Variants in SAMD4A observed in about 807,000 individuals in gnomAD.
The protein encoded by SAMD4A is sterile alpha motif domain containing 4A.
SAMD4A carries 33 observed loss-of-function variants against 81.3 expected under a neutral mutation model. That is an observed-to-expected ratio of 0.41 (90% CI 0.31 to 0.54). The LOEUF (loss-of-function observed/expected upper bound fraction) is 0.54, where lower values mean the gene tolerates loss of function less well. Ranked by LOEUF, SAMD4A falls within the 20% of genes least tolerant of loss-of-function variation. The pLI, the probability that SAMD4A is intolerant of heterozygous loss-of-function variation, is 0.37. For synonymous variants in SAMD4A, 389 were observed against 382.1 expected (o/e 1.02, Z -0.21); for missense variants, 854 against 951.1 (o/e 0.90, Z 1.34).
In SAMD4A at chr14:54,602,041, T is replaced by C. The variant is rs140748274; in HGVS notation, c.196+33929T>C. On this transcript the variant is annotated intron_variant, in intron 2 of 12. Coordinates refer to ENST00000554335, the MANE Select transcript of SAMD4A (RefSeq NM_015589.6). ...AGAAAGCAGGACAGAAACAGCAGGG[T>C]CCTGGGATCCGCCTGGTACCAGAGA... Among the ~76,000 whole-genome samples, 204 of 151,962 alleles carry C rather than the reference T, an allele frequency of 1.3e-3. 2 individuals are homozygous for C. In the South Asian group the frequency reaches 0.02, roughly 15 times the overall value.
intron 2 of SAMD4A, among the ~76,000 whole-genome samples, chr14:54,622,915 G>A (rs2034652306): frequency 6.6e-6 from 1 of 152,222 alleles, no homozygotes; most frequent in Non-Finnish European, 1.5e-5. Flanking sequence ...ACATGTTAAA[G>A]TCTGAGAAGC....
chr14:54,595,290 CTATCT>C (rs934772420), intron 2 of SAMD4A, among the ~76,000 whole-genome samples: 3 of 152,016 alleles, frequency 2.0e-5, no homozygotes, highest in African/African-American at 7.2e-5. Context: ...TTTTATCTTA[CTATCT>C]TATAAGTATA....
intron 3 of SAMD4A, among the ~76,000 whole-genome samples, chr14:54,713,655 T>C (rs1473803090): frequency 6.6e-6 from 1 of 152,222 alleles, no homozygotes; most frequent in African/African-American, 2.4e-5. Flanking sequence ...CTGAGATGCA[T>C]CCTTTTGGAA....
At chr14:54,598,153 G>A (rs1011934453) in intron 2 of SAMD4A, among the ~76,000 whole-genome samples, 1 of 152,174 alleles carries the variant, frequency 6.6e-6, no homozygotes, top group South Asian at 2.1e-4. Context: ...TGAAAACTGA[G>A]ACACAAACAC....
chr14:54,605,832 T>C (rs977039989), intron 2 of SAMD4A, among the ~76,000 whole-genome samples: 1 of 152,046 alleles, frequency 6.6e-6, no homozygotes, highest in African/African-American at 2.4e-5. Context: ...CATGCCCATA[T>C]ATATGTATGA....
At chr14:54,718,686 A>G (rs1229585900) in intron 3 of SAMD4A, among the ~76,000 whole-genome samples, 1 of 152,128 alleles carries the variant, frequency 6.6e-6, no homozygotes, top group Non-Finnish European at 1.5e-5. Flanking sequence ...GAAACGAAGC[A>G]TGTCCTGGAG....
intron 2 of SAMD4A, among the ~76,000 whole-genome samples, chr14:54,572,623 A>G (rs1412543735): frequency 6.6e-6 from 1 of 152,194 alleles, no homozygotes; most frequent in Non-Finnish European, 1.5e-5. Flanking sequence ...CCATCTATTT[A>G]TAGTCATAGG....
intron 12 of SAMD4A, among the ~76,000 whole-genome samples, chr14:54,788,652 G>C (rs532863480): frequency 6.6e-6 from 1 of 152,314 alleles, no homozygotes; most frequent in East Asian, 1.9e-4. Flanking sequence ...CTACATGTCT[G>C]TGTCTACCCT....
intron 3 of SAMD4A, among the ~76,000 whole-genome samples, chr14:54,728,044 A>G (rs185125058): frequency 3.9e-5 from 6 of 152,142 alleles, no homozygotes; most frequent in African/African-American, 1.4e-4. Flanking sequence ...ATGCTGTTCA[A>G]TTCCTGTCCT....
At chr14:54,691,369 G>A (rs993980023) in intron 2 of SAMD4A, among the ~76,000 whole-genome samples, 10 of 152,028 alleles carry the variant, frequency 6.6e-5, no homozygotes, top group African/African-American at 1.9e-4. Flanking sequence ...TCCTGATTCT[G>A]GTCCAGCCAC....
intron 2 of SAMD4A, among the ~76,000 whole-genome samples, chr14:54,634,938 A>C (rs1374151436): frequency 6.6e-6 from 1 of 152,238 alleles, no homozygotes; most frequent in African/African-American, 2.4e-5. Flanking sequence ...ACCATGAGCC[A>C]AGAACTAAAG....
At chr14:54,609,760 A>G (rs1458178262) in intron 2 of SAMD4A, among the ~76,000 whole-genome samples, 1 of 152,224 alleles carries the variant, frequency 6.6e-6, no homozygotes, top group African/African-American at 2.4e-5. Context: ...ACTGTCGAAA[A>G]AAGTAATTAA....
intron 2 of SAMD4A, chr14:54,685,917 C>T (rs1479023409): frequency 6.6e-6 from 3 of 453,392 alleles, no homozygotes; most frequent in Non-Finnish European, 1.3e-5. Context: ...AATTATCTAC[C>T]AGTCAGGAGA....
rs554679043 is a variant in SAMD4A at position 54,571,466 on chromosome 14, T to A, written c.196+3354T>A. Among the ~76,000 whole-genome samples the A allele has an allele frequency of 1.4e-3, 211 of 152,214 alleles. 1 individual carries two copies. The highest frequency in any genetic ancestry group is 2.5e-3 in the Non-Finnish European group (167 of 68,032). ...AGTAGCAAAAATGCAACCCACTGACTTTACCTGAAGTTTCCAAAAGAAAAA... is the reference window on the plus strand; with the variant it reads ...AGTAGCAAAAATGCAACCCACTGACATTACCTGAAGTTTCCAAAAGAAAAA... On this transcript the variant is annotated intron_variant, in intron 2 of 12. Transcript: ENST00000554335.
At chr14:54,675,611 A>T (rs1237841747) in intron 2 of SAMD4A, among the ~76,000 whole-genome samples, 1 of 152,212 alleles carries the variant, frequency 6.6e-6, no homozygotes, top group African/African-American at 2.4e-5. Context: ...TGTGTGATTT[A>T]ATTGAAGTGA....
chr14:54,773,699 G>C (rs1469917321), intron 9 of SAMD4A, among the ~76,000 whole-genome samples: 1 of 152,232 alleles, frequency 6.6e-6, no homozygotes, highest in Non-Finnish European at 1.5e-5. Flanking sequence ...GAGGGCCTGT[G>C]AAGTGAAGGC....
chr14:54,713,957 T>C (rs2037055163), intron 3 of SAMD4A, among the ~76,000 whole-genome samples: 2 of 152,202 alleles, frequency 1.3e-5, no homozygotes, highest in African/African-American at 4.8e-5. Context: ...AAAATGAGAA[T>C]AAATTTCAGT....
chr14:54,770,009 G>C, intron 8 of SAMD4A, 95 bp from the exon 9 acceptor site: 2 of 784,884 alleles, frequency 2.5e-6, no homozygotes, highest in Non-Finnish European at 4.3e-6. Context: ...AAAGGCAACT[G>C]CAGAGACTCC....
intron 2 of SAMD4A, among the ~76,000 whole-genome samples, chr14:54,660,821 G>C (rs1265647507): frequency 6.6e-6 from 1 of 152,228 alleles, no homozygotes; most frequent in Non-Finnish European, 1.5e-5. Flanking sequence ...GCTTCCATTA[G>C]ACTTGGTATC....
Sources: allele counts gnomAD v4.1 joint callset (sites outside exome capture counted in the v4.1 genomes callset), GRCh38; gene constraint gnomAD v4.1.1; transcripts MANE v1.5; gene names NCBI Gene and HGNC (gene_info 2026-07-23, HGNC 2026-07-21).